The following SLC25A28 variants were observed in gnomAD, a reference collection of about 807,000 sequenced individuals.
The protein encoded by SLC25A28 is solute carrier family 25 member 28.
Under a neutral mutation model 31.9 loss-of-function variants are expected in SLC25A28, and 10 were observed. The ratio of observed to expected loss-of-function variants is 0.31; its 90% CI spans 0.19 to 0.53. SLC25A28 has a LOEUF of 0.53. Ranked by LOEUF, SLC25A28 falls within the 20% of genes least tolerant of loss-of-function variation. The pLI is 0.95. For synonymous variants in SLC25A28, 208 were observed against 203.6 expected (o/e 1.02, Z -0.19); for missense variants, 256 against 490.3 (o/e 0.52, Z 4.51).
chr10:99,616,195 T>C, intron 1 of SLC25A28: 2 of 985,342 alleles, frequency 2.0e-6, no homozygotes, highest in South Asian at 4.7e-5. Flanking sequence ...AACAACCCAG[T>C]AGAGAGGTAA....
the SLC25A28 span, among the ~76,000 whole-genome samples, chr10:99,657,229 A>G: frequency 6.6e-6 from 1 of 152,236 alleles, no homozygotes; most frequent in Non-Finnish European, 1.5e-5. Flanking sequence ...GTGGAACACT[A>G]AAGTTTGAAA....
chr10:99,636,674 T>G, the SLC25A28 span, among the ~76,000 whole-genome samples: 2 of 152,154 alleles, frequency 1.3e-5, no homozygotes, highest in African/African-American at 4.8e-5. Context: ...TTTATGCACA[T>G]AAACTAGAAA....
chr10:99,657,703 A>G, the SLC25A28 span, among the ~76,000 whole-genome samples: 9 of 152,002 alleles, frequency 5.9e-5, no homozygotes, highest in African/African-American at 1.2e-4. Context: ...GGACTTGGTC[A>G]ATGACTCAGT....
chr10:99,627,700 C>A, the SLC25A28 span, among the ~76,000 whole-genome samples: 1 of 152,094 alleles, frequency 6.6e-6, no homozygotes, highest in Non-Finnish European at 1.5e-5. Flanking sequence ...TTCAGCCTCC[C>A]AAAGTGATGG....
chr10:99,628,008 A>G, the SLC25A28 span, among the ~76,000 whole-genome samples: 1 of 152,200 alleles, frequency 6.6e-6, no homozygotes, highest in Non-Finnish European at 1.5e-5. Context: ...TACATCACCG[A>G]TACCAATCTC....
At chr10:99,655,096 T>C in the SLC25A28 span, among the ~76,000 whole-genome samples, 1 of 152,238 alleles carries the variant, frequency 6.6e-6, no homozygotes, top group Admixed American at 6.5e-5. Context: ...AAGGAAGTAT[T>C]GTCCAAACAA....
chr10:99,637,683 C>T, the SLC25A28 span, among the ~76,000 whole-genome samples: 1 of 152,156 alleles, frequency 6.6e-6, no homozygotes, highest in African/African-American at 2.4e-5. Context: ...ACTCTTTTTA[C>T]AGTTGCTGCA....
At chr10:99,615,319 G>T in intron 1 of SLC25A28, 1 of 830,210 alleles carries the variant, frequency 1.2e-6, no homozygotes, top group Non-Finnish European at 1.4e-6. Context: ...TTGAGCCACT[G>T]CACGGCAGCC....
the SLC25A28 span, among the ~76,000 whole-genome samples, chr10:99,634,479 C>T: frequency 3.3e-5 from 5 of 152,026 alleles, no homozygotes; most frequent in Admixed American, 3.3e-4. Flanking sequence ...ATCGAACACA[C>T]TTATAGAAAT....
At chr10:99,638,243 A>G in the SLC25A28 span, among the ~76,000 whole-genome samples, 2 of 152,216 alleles carry the variant, frequency 1.3e-5, no homozygotes, top group African/African-American at 4.8e-5. Context: ...AGCCACATGT[A>G]GGAGAATGAA....
chr10:99,632,308 G>C, the SLC25A28 span, among the ~76,000 whole-genome samples: 1 of 152,056 alleles, frequency 6.6e-6, no homozygotes, highest in Non-Finnish European at 1.5e-5. Flanking sequence ...ATGTGTGTAG[G>C]TTATTTGCAA....
the SLC25A28 span, among the ~76,000 whole-genome samples, chr10:99,634,825 G>T: frequency 3.3e-5 from 5 of 152,182 alleles, no homozygotes; most frequent in African/African-American, 1.2e-4. Context: ...AAGGATCCTT[G>T]CCTAGGCAAC....
At position 99,620,309 on chromosome 10, in the gene SLC25A28, G is replaced by A. The variant is rs1425274949; in HGVS notation, c.27C>T (p.Gly9=). The A allele has an allele frequency of 1.1e-5, 7 of 609,582 alleles. No homozygotes were observed. The highest frequency in any genetic ancestry group is 1.4e-5 in the Non-Finnish European group (7 of 515,882). The allele number at this position is 609,582 out of a possible 1,614,324, so 37.8% of individuals were successfully genotyped here. Residue 9 remains glycine, a synonymous_variant, in exon 1 of 4, where the codon GGC becomes GGT. Coordinates refer to ENST00000370495, the MANE Select transcript of SLC25A28 (RefSeq NM_031212.4). MELEGRGA[G]GVAGGPAAGP... is the part of the protein sequence containing the mutation. ...CTGCCGCCGGCCCCCCCGCCACACC[G>A]CCAGCACCCCGCCCCTCCAACTCCA...
At chr10:99,656,747 G>A in the SLC25A28 span, among the ~76,000 whole-genome samples, 1 of 152,234 alleles carries the variant, frequency 6.6e-6, no homozygotes, top group African/African-American at 2.4e-5. Context: ...AAATGTAATT[G>A]TAAGGCAAGC....
At chr10:99,647,029 T>C in the SLC25A28 span, among the ~76,000 whole-genome samples, 3 of 152,364 alleles carry the variant, frequency 2.0e-5, no homozygotes, top group African/African-American at 4.8e-5. Flanking sequence ...TAGTATTCCA[T>C]GCTATATATA....
intron 1 of SLC25A28, chr10:99,615,659 T>TG: frequency 1.0e-6 from 1 of 985,472 alleles, no homozygotes. Flanking sequence ...ATAAAGGGTT[T>TG]GTTTACTCAT....
At chr10:99,620,452 T>G (rs2034765567), upstream of SLC25A28, 1 of 1,046,002 alleles carries the variant, frequency 9.6e-7, no homozygotes, top group African/African-American at 1.7e-5. Flanking sequence ...GGCCTCCGGC[T>G]CCCGCTTGGC....
the SLC25A28 span, among the ~76,000 whole-genome samples, chr10:99,655,052 C>T: frequency 2.0e-5 from 3 of 152,204 alleles, no homozygotes; most frequent in South Asian, 4.1e-4. Context: ...AAGAATCATG[C>T]TTGACAAATG....
chr10:99,628,053 G>C, the SLC25A28 span, among the ~76,000 whole-genome samples: 10 of 152,174 alleles, frequency 6.6e-5, no homozygotes, highest in Non-Finnish European at 1.5e-4. Flanking sequence ...CTTCTGGAGG[G>C]AGATTCTCCT....
Sources: gnomAD v4.1 joint callset for allele counts (sites outside exome capture counted in the v4.1 genomes callset) on GRCh38, gnomAD v4.1.1 for gene constraint, MANE v1.5 for transcripts, NCBI Gene and HGNC (gene_info 2026-07-23, HGNC 2026-07-21) for gene names.